PGBD2: variants seen among roughly 807,000 people sequenced by gnomAD.
PGBD2 encodes the protein piggyBac transposable element derived 2, also known as piggyBac transposable element-derived protein 2.
A neutral mutation model predicts 8.1 loss-of-function variants in PGBD2; 6 were observed. The observed-to-expected ratio is 0.74, with a 90% CI of 0.40 to 1.46. The LOEUF (loss-of-function observed/expected upper bound fraction) is 1.46. Ranked by LOEUF, PGBD2 falls within the 40% of genes most tolerant of loss-of-function variation. The pLI is 0.02. For synonymous variants in PGBD2, 318 were observed against 272.2 expected, an observed-to-expected ratio of 1.17 and a Z score of -1.66; for missense variants, 802 against 739.0, an observed-to-expected ratio of 1.09 and a Z score of -0.99.
At chr1:248,884,759 T>C in the PGBD2 span, among the ~76,000 whole-genome samples, 1 of 152,210 alleles carries the variant, frequency 6.6e-6, no homozygotes. Context: ...TTCAGTTGAA[T>C]GAGTAAAGCT....
At chr1:248,889,927 T>A in the PGBD2 span, among the ~76,000 whole-genome samples, 5 of 144,292 alleles carry the variant, frequency 3.5e-5, no homozygotes, top group Non-Finnish European at 5.9e-5. Flanking sequence ...CTTTTTCTTT[T>A]CTTTTTTTTT....
At chr1:248,925,437 C>T in the PGBD2 span, among the ~76,000 whole-genome samples, 1 of 152,212 alleles carries the variant, frequency 6.6e-6, no homozygotes, top group Non-Finnish European at 1.5e-5. Flanking sequence ...CCACAAACCA[C>T]AGAAACAGAC....
chr1:248,874,242 A>C, the PGBD2 span, among the ~76,000 whole-genome samples: 1 of 152,014 alleles, frequency 6.6e-6, no homozygotes, highest in Admixed American at 6.6e-5. Context: ...ATGACGCATC[A>C]TGTCTTCCCT....
intron 2 of PGBD2, among the ~76,000 whole-genome samples, chr1:248,916,271 G>A (rs896361589): frequency 3.9e-5 from 6 of 151,986 alleles, no homozygotes; most frequent in African/African-American, 1.2e-4. Flanking sequence ...AAAATTAGCC[G>A]GGCATGGTGG....
chr1:248,893,108 ATAAT>A, the PGBD2 span, among the ~76,000 whole-genome samples: 2 of 152,346 alleles, frequency 1.3e-5, no homozygotes, highest in South Asian at 4.1e-4. Context: ...AAAATGGCAC[ATAAT>A]TAATGTATAC....
the PGBD2 span, among the ~76,000 whole-genome samples, chr1:248,879,620 C>T: frequency 6.6e-6 from 1 of 152,094 alleles, no homozygotes; most frequent in African/African-American, 2.4e-5. Context: ...GGCTGGTCTC[C>T]AACTCCTGTG....
chr1:248,907,953 G>A (rs1661720790), intron 1 of PGBD2, among the ~76,000 whole-genome samples: 1 of 152,122 alleles, frequency 6.6e-6, no homozygotes, highest in African/African-American at 2.4e-5. Flanking sequence ...TCTATAAAAT[G>A]TCTTTTGAAT....
rs750462204 is a variant in PGBD2 at position 248,913,879 on chromosome 1, G to T, written c.17G>T (p.Arg6Ile). MASTS[R>I]DVIAGRGIHS... The stretch of plus-strand genomic sequence containing the variant: ...CAGTTCATCATGGCTTCAACATCCA[G>T]GTAGGAGTGCTGTTTGATCAAATGT... The change falls in exon 2 of 3, where the codon AGA becomes ATA. Residue 6 changes from arginine (R) to isoleucine (I), a missense_variant and splice_region_variant. Coordinates refer to ENST00000329291, the MANE Select transcript of PGBD2 (RefSeq NM_170725.3). 1.2e-6 allele frequency: 2 copies of T among 1,609,082 alleles called. No homozygotes were observed. Among genetic ancestry groups the T allele is most frequent in the Non-Finnish European group, 1.7e-6 (2 of 1,175,512 alleles).
In PGBD2 at chr1:248,916,709, T is replaced by A; in HGVS notation, c.125T>A (p.Ile42Asn). ...GAGTCCAACAACAACAGGGAAGAGA[T>A]TTTCATTGCACCTCCCGACAATGCT... Reference protein sequence around the residue: ...EEESNNNREEIFIAPPDNAAG... With the variant: ...EEESNNNREENFIAPPDNAAG... The change falls in exon 3 of 3, where the codon ATT becomes AAT. Residue 42 changes from isoleucine to asparagine, a missense_variant. Physicochemically the swap from Ile to Asn is moderately radical, Grantham distance 149. Coordinates refer to ENST00000329291, the MANE Select transcript of PGBD2 (RefSeq NM_170725.3). The A allele has an allele frequency of 6.2e-7, 1 of 1,613,946 alleles. No homozygotes were observed. The highest frequency in any genetic ancestry group is 8.5e-7 in the Non-Finnish European group (1 of 1,179,982).
In PGBD2 at chr1:248,910,414, C is replaced by A. The variant is rs1479579816; in HGVS notation, c.-47-3402C>A. On this transcript the variant is annotated intron_variant, in intron 1 of 2. Coordinates refer to ENST00000329291, the MANE Select transcript of PGBD2 (RefSeq NM_170725.3). ...AGGCCTGTTGTGTCTGCTTTACACA[C>A]ATTGACTCTTACTGTTTTCACAGTG... Among the ~76,000 whole-genome samples the A allele has an allele frequency of 2.0e-5, 3 of 152,308 alleles. No individual in the cohort carries two copies. In the East Asian group the frequency reaches 5.8e-4, roughly 29 times the overall value.
At chr1:248,923,480 C>G (rs1186639510), downstream of PGBD2, among the ~76,000 whole-genome samples, 1 of 152,080 alleles carries the variant, frequency 6.6e-6, no homozygotes, top group East Asian at 1.9e-4. Flanking sequence ...GATCTTGCCA[C>G]CAGCCCAGCT....
chr1:248,924,663 T>C (rs890477640), downstream of PGBD2, among the ~76,000 whole-genome samples: 2 of 152,226 alleles, frequency 1.3e-5, no homozygotes, highest in African/African-American at 4.8e-5. Flanking sequence ...AGTTAAAACA[T>C]TAGATAACAT....
chr1:248,906,075 G>C (rs1184422771), upstream of PGBD2: 1 of 152,266 alleles, frequency 6.6e-6, no homozygotes, highest in Non-Finnish European at 1.5e-5. Context: ...GGCCCGCTGG[G>C]GTGGGTTATT....
At chr1:248,924,283 T>A (rs1471046845), downstream of PGBD2, among the ~76,000 whole-genome samples, 2 of 152,366 alleles carry the variant, frequency 1.3e-5, no homozygotes, top group East Asian at 3.9e-4. Context: ...CCTTCATGAC[T>A]GCTGGCTTCC....
At chr1:248,902,784 G>A (rs1408645786), upstream of PGBD2, among the ~76,000 whole-genome samples, 1 of 152,134 alleles carries the variant, frequency 6.6e-6, no homozygotes, top group Non-Finnish European at 1.5e-5. Context: ...ACTTATAAGT[G>A]GGAGATGAAC....
the PGBD2 span, among the ~76,000 whole-genome samples, chr1:248,897,998 C>T: frequency 3.9e-5 from 6 of 152,088 alleles, no homozygotes; most frequent in South Asian, 2.1e-4. Flanking sequence ...CATGGGACCC[C>T]GACCCATTCC....
chr1:248,927,797 G>C, the PGBD2 span, among the ~76,000 whole-genome samples: 1 of 152,172 alleles, frequency 6.6e-6, no homozygotes, highest in Non-Finnish European at 1.5e-5. Context: ...TCTTGATAGA[G>C]AAAGGTAGAA....
chr1:248,901,918 A>G (rs1661540652), upstream of PGBD2, among the ~76,000 whole-genome samples: 1 of 152,218 alleles, frequency 6.6e-6, no homozygotes, highest in Non-Finnish European at 1.5e-5. Flanking sequence ...ATTTACAAGA[A>G]CAAAAACAAA....
the PGBD2 span, among the ~76,000 whole-genome samples, chr1:248,884,936 C>A: frequency 2.4e-4 from 36 of 152,188 alleles, no homozygotes; most frequent in African/African-American, 8.2e-4. Flanking sequence ...TTTTGTCAGT[C>A]TTATGATCTC....
Sources: gnomAD v4.1 joint callset for allele counts (sites outside exome capture counted in the v4.1 genomes callset) on GRCh38, gnomAD v4.1.1 for gene constraint, MANE v1.5 for transcripts, NCBI Gene and HGNC (gene_info 2026-07-23, HGNC 2026-07-21) for gene names.